The following PBX1 variants were observed in gnomAD, a reference collection of about 807,000 sequenced individuals.
The protein encoded by PBX1 is PBX homeobox 1.
PBX1 carries 6 observed loss-of-function variants against 53.4 expected under a neutral mutation model. The ratio of observed to expected loss-of-function variants is 0.11; its 90% CI spans 0.06 to 0.22. The LOEUF (loss-of-function observed/expected upper bound fraction) is 0.22, where lower values mean the gene tolerates loss of function less well. PBX1 is among the 10% of genes least tolerant of loss of function. The pLI, the probability that PBX1 is intolerant of heterozygous loss-of-function variation, is 1.00. For missense variants in PBX1, 251 were observed against 551.4 expected, an observed-to-expected ratio of 0.46 and a Z score of 5.46; for synonymous variants, 204 against 212.3, an observed-to-expected ratio of 0.96 and a Z score of 0.34.
intron 2 of PBX1, among the ~76,000 whole-genome samples, chr1:164,594,774 T>G (rs1655645122): frequency 6.6e-6 from 1 of 152,322 alleles, no homozygotes; most frequent in Middle Eastern, 3.4e-3. Flanking sequence ...TCTTCACTAT[T>G]TTGCATGTAT....
intron 2 of PBX1, among the ~76,000 whole-genome samples, chr1:164,782,819 C>T (rs1187098209): frequency 6.6e-6 from 1 of 152,166 alleles, no homozygotes; most frequent in Non-Finnish European, 1.5e-5. Context: ...CCAGGCAAGT[C>T]GTTGTAATAT....
chr1:164,672,919 CTTTCTTTTTTTTGT>C (rs971263918), intron 2 of PBX1, among the ~76,000 whole-genome samples: 1 of 152,102 alleles, frequency 6.6e-6, no homozygotes, highest in Non-Finnish European at 1.5e-5. Context: ...CCTTTTCCTC[CTTTCTTTTTTTTGT>C]TTTCTTTTTT....
chr1:164,877,354 G>T (rs1214913090), intron 2 of PBX1, among the ~76,000 whole-genome samples: 1 of 152,108 alleles, frequency 6.6e-6, no homozygotes, highest in Non-Finnish European at 1.5e-5. Flanking sequence ...TAATGTGCCA[G>T]ATTTTGAGGG....
chr1:164,854,389 C>T (rs973105381), downstream of PBX1: 5 of 151,962 alleles, frequency 3.3e-5, no homozygotes, highest in African/African-American at 7.3e-5. Context: ...TTACTGACCA[C>T]CATTTCGTAT....
chr1:164,658,672 C>T (rs1660310596), intron 2 of PBX1, among the ~76,000 whole-genome samples: 1 of 152,230 alleles, frequency 6.6e-6, no homozygotes, highest in Non-Finnish European at 1.5e-5. Flanking sequence ...TCTTTATGAC[C>T]TTGGATGGGC....
intron 6 of PBX1, chr1:164,812,912 G>A (rs543644623): frequency 6.6e-6 from 1 of 152,254 alleles, no homozygotes; most frequent in East Asian, 1.9e-4. Context: ...TGGAAGGCAT[G>A]TGGTAATTTT....
At chr1:164,817,449 A>T (rs1669926393) in intron 6 of PBX1, 1 of 152,226 alleles carries the variant, frequency 6.6e-6, no homozygotes, top group Non-Finnish European at 1.5e-5. Flanking sequence ...TTCCCTCAGC[A>T]CAGTCAGTGC....
intron 3 of PBX1, 150 bp downstream of exon 3, chr1:164,792,888 GGCCAAA>G: frequency 4.7e-6 from 3 of 643,286 alleles, no homozygotes. Flanking sequence ...ACAGAGCCCT[GGCCAAA>G]CTTGAGTCTG....
At chr1:164,882,136 G>A (rs1381833714) in intron 2 of PBX1, among the ~76,000 whole-genome samples, 5 of 148,632 alleles carry the variant, frequency 3.4e-5, no homozygotes, top group African/African-American at 1.2e-4. Flanking sequence ...TTTGGTAGTT[G>A]AGGTAGGAGA....
At chr1:164,585,912 C>T (rs1654920786) in intron 2 of PBX1, among the ~76,000 whole-genome samples, 1 of 152,186 alleles carries the variant, frequency 6.6e-6, no homozygotes, top group African/African-American at 2.4e-5. Flanking sequence ...ATAGTTTCAC[C>T]TCTTCTGTAT....
At chr1:164,698,424 T>C (rs1662913504) in intron 2 of PBX1, among the ~76,000 whole-genome samples, 1 of 152,190 alleles carries the variant, frequency 6.6e-6, no homozygotes, top group Non-Finnish European at 1.5e-5. Flanking sequence ...CAGAAGGAAT[T>C]ACAGAATTGT....
rs966361652 is a variant in PBX1 at position 164,626,117 on chromosome 1, C to G, written c.265+62806C>G. 9 of 1,022,904 alleles carry G rather than the reference C, an allele frequency of 8.8e-6. No individual in the cohort carries two copies. The African/African-American group carries it at 1.4e-4, about 16-fold the overall frequency. 63.4% of individuals were successfully genotyped at this position (1,022,904 alleles called of 1,614,324 possible). A position where few individuals can be genotyped will look rare whatever the true frequency, so the allele number is the denominator to read the frequency against. On this transcript the variant is annotated intron_variant, in intron 2 of 8. Coordinates refer to ENST00000420696, the MANE Select transcript of PBX1 (RefSeq NM_002585.4). ...CAAAGGTGAGTGTTCGATATCTTTG[C>G]AGGCTGAATGGCCAGTTGACTTGAG...
At chr1:164,852,457 C>A (rs1405158357), downstream of PBX1, among the ~76,000 whole-genome samples, 1 of 152,210 alleles carries the variant, frequency 6.6e-6, no homozygotes, top group Non-Finnish European at 1.5e-5. Context: ...CCCCAGTGTT[C>A]TAGCTGGAAC....
intron 8 of PBX1, among the ~76,000 whole-genome samples, chr1:164,843,607 A>C (rs575626623): frequency 6.0e-5 from 9 of 150,456 alleles, no homozygotes; most frequent in Non-Finnish European, 1.3e-4. Context: ...TCTTTTAGCT[A>C]GAAGGTTTTA....
intron 2 of PBX1, among the ~76,000 whole-genome samples, chr1:164,784,622 C>T (rs1376473105): frequency 1.3e-5 from 2 of 152,210 alleles, no homozygotes; most frequent in Admixed American, 6.5e-5. Flanking sequence ...ATCTCTTGCC[C>T]TAAAACCTCA....
chr1:164,647,478 A>G (rs1571142316), intron 2 of PBX1, among the ~76,000 whole-genome samples: 2 of 152,256 alleles, frequency 1.3e-5, no homozygotes, highest in African/African-American at 4.8e-5. Flanking sequence ...AGCCTCCTCC[A>G]TGAAATCGAG....
At chr1:164,703,845 A>C (rs1028894003) in intron 2 of PBX1, among the ~76,000 whole-genome samples, 9 of 152,204 alleles carry the variant, frequency 5.9e-5, no homozygotes, top group Non-Finnish European at 1.3e-4. Context: ...TGCACCCATG[A>C]GAACCGAACC....
intron 2 of PBX1, among the ~76,000 whole-genome samples, chr1:164,653,479 G>A (rs1659963091): frequency 6.6e-6 from 1 of 152,018 alleles, no homozygotes. Context: ...TGGGCAAGAG[G>A]GATGAGTGAG....
At chr1:164,571,873 GTATA>G (rs59338120) in intron 2 of PBX1, among the ~76,000 whole-genome samples, 2,467 of 29,844 alleles carry the variant, frequency 0.083, 121 homozygotes, top group African/African-American at 0.12. Context: ...TCTGTACATT[GTATA>G]TATATATATA....
Sources: gnomAD v4.1 joint callset for allele counts (sites outside exome capture counted in the v4.1 genomes callset) on GRCh38, gnomAD v4.1.1 for gene constraint, MANE v1.5 for transcripts, NCBI Gene and HGNC (gene_info 2026-07-23, HGNC 2026-07-21) for gene names.